The following CFAP43 variants were observed in gnomAD, a reference collection of about 807,000 sequenced individuals.
CFAP43 encodes cilia- and flagella-associated protein 43.
A neutral mutation model predicts 218.9 loss-of-function variants in CFAP43; 155 were observed. That is an observed-to-expected ratio of 0.71 (90% CI 0.62 to 0.81). The LOEUF is 0.81. CFAP43 is among the 30% of genes least tolerant of loss of function. The pLI, the probability that CFAP43 is intolerant of heterozygous loss-of-function variation, is 0.00. For missense variants in CFAP43, 1,778 were observed against 1,954.3 expected (o/e 0.91, Z 1.70); for synonymous variants, 645 against 681.3 (o/e 0.95, Z 0.83).
chr10:104,205,920 A>G, intron 7 of CFAP43, 43 bp downstream of exon 7: 1 of 1,537,584 alleles, frequency 6.5e-7, no homozygotes, highest in Non-Finnish European at 8.9e-7. Context: ...GGGAATTGTG[A>G]ATTTTCTTTA....
intron 11 of CFAP43, chr10:104,193,317 T>C (rs1429049390): frequency 6.6e-6 from 1 of 152,334 alleles, no homozygotes; most frequent in Non-Finnish European, 1.5e-5. Context: ...TTCTCCAAGA[T>C]ATACGATTAA....
chr10:104,218,211 G>A (rs1002160727), intron 3 of CFAP43, among the ~76,000 whole-genome samples: 15 of 151,736 alleles, frequency 9.9e-5, no homozygotes, highest in Admixed American at 9.2e-4. Context: ...AGCTGGGCGT[G>A]GTGGCGGGTG....
At chr10:104,206,710 G>C (rs1459826132) in intron 6 of CFAP43, among the ~76,000 whole-genome samples, 1 of 152,214 alleles carries the variant, frequency 6.6e-6, no homozygotes, top group Non-Finnish European at 1.5e-5. Flanking sequence ...CTTTGGACAG[G>C]TTTGAGGAGC....
chr10:104,184,387 G>A (rs1437278910), intron 16 of CFAP43, among the ~76,000 whole-genome samples: 1 of 151,988 alleles, frequency 6.6e-6, no homozygotes, highest in African/African-American at 2.4e-5. Flanking sequence ...AAAGTTATCT[G>A]AGGGTCAGAA....
intron 3 of CFAP43, 98 bp from the exon 4 acceptor site, chr10:104,214,524 T>G (rs2090961470): frequency 9.6e-7 from 1 of 1,038,814 alleles, no homozygotes; most frequent in East Asian, 2.7e-5. Flanking sequence ...TGGGATATAA[T>G]TTATGATACA....
chr10:104,223,198 A>T (rs1263931501), intron 3 of CFAP43, among the ~76,000 whole-genome samples: 1 of 152,192 alleles, frequency 6.6e-6, no homozygotes, highest in South Asian at 2.1e-4. Flanking sequence ...GACTGTGACC[A>T]TGTGGGAATA....
intron 23 of CFAP43, 115 bp downstream of exon 23, chr10:104,166,373 C>CCTCTATGTATTT: frequency 1.3e-6 from 1 of 770,764 alleles, no homozygotes; most frequent in East Asian, 2.7e-5. Context: ...TGCCCAGCCT[C>CCTCTATGTATTT]CTCTATGTAT....
At chr10:104,158,078 G>C (rs1411230079) in intron 27 of CFAP43, among the ~76,000 whole-genome samples, 1 of 152,118 alleles carries the variant, frequency 6.6e-6, no homozygotes, top group Non-Finnish European at 1.5e-5. Flanking sequence ...AACACATTAA[G>C]TTAGAGTATG....
intron 27 of CFAP43, among the ~76,000 whole-genome samples, chr10:104,158,728 CT>C (rs1484016598): frequency 6.6e-6 from 1 of 151,966 alleles, no homozygotes; most frequent in Non-Finnish European, 1.5e-5. Context: ...TATTAAGCTT[CT>C]TTTGTATGAT....
intron 4 of CFAP43, among the ~76,000 whole-genome samples, chr10:104,214,021 T>C (rs975526143): frequency 2.0e-5 from 3 of 152,198 alleles, no homozygotes; most frequent in African/African-American, 4.8e-5. Flanking sequence ...ATATTTTAAA[T>C]AAATTAATTG....
At chr10:104,214,162 T>C (rs928625865) in intron 4 of CFAP43, 97 bp downstream of exon 4, 1 of 1,209,224 alleles carries the variant, frequency 8.3e-7, no homozygotes, top group East Asian at 2.5e-5. Flanking sequence ...TATATATGTA[T>C]GTATAAAGCC....
At chr10:104,161,746 G>T (rs1389392279) in intron 26 of CFAP43, among the ~76,000 whole-genome samples, 1 of 151,952 alleles carries the variant, frequency 6.6e-6, no homozygotes, top group East Asian at 1.9e-4. Flanking sequence ...TGAATTCCTG[G>T]CCTCCTCACT....
chr10:104,168,708 C>T (rs76061064), intron 21 of CFAP43, 36 bp downstream of exon 21: 2 of 1,497,326 alleles, frequency 1.3e-6, no homozygotes, highest in African/African-American at 1.4e-5. Context: ...GATGACAATT[C>T]TCATCAGGTT....
chr10:104,196,960 T>A, intron 9 of CFAP43, 27 bp from the exon 10 acceptor site: 4 of 1,578,658 alleles, frequency 2.5e-6, no homozygotes, highest in Non-Finnish European at 3.5e-6. Flanking sequence ...ACAAAAACTC[T>A]ACATGGAAAA....
intron 5 of CFAP43, among the ~76,000 whole-genome samples, chr10:104,208,423 A>G (rs1281993882): frequency 6.6e-6 from 1 of 152,212 alleles, no homozygotes; most frequent in Non-Finnish European, 1.5e-5. Context: ...ATGTTAAACT[A>G]GTATTGTATG....
intron 27 of CFAP43, among the ~76,000 whole-genome samples, chr10:104,158,024 G>A (rs1027196903): frequency 2.6e-5 from 4 of 152,024 alleles, no homozygotes; most frequent in Admixed American, 6.6e-5. Flanking sequence ...AAGAAGCTCC[G>A]AACACTTTGA....
chr10:104,132,327 C>T, intron 35 of CFAP43, 131 bp from the exon 36 acceptor site: 1 of 733,386 alleles, frequency 1.4e-6, no homozygotes, highest in Non-Finnish European at 2.1e-6. Flanking sequence ...ATTGATTTGG[C>T]TTGGCCAGGC....
chr10:104,139,415 C>A (rs1460014816), intron 34 of CFAP43, among the ~76,000 whole-genome samples: 3 of 152,016 alleles, frequency 2.0e-5, no homozygotes, highest in African/African-American at 7.2e-5. Context: ...GTGCATACCG[C>A]CCCCTATCCC....
At position 104,193,989 on chromosome 10, in the gene CFAP43, G is replaced by A. The variant is rs2090311690; in HGVS notation, c.1319C>T (p.Ser440Phe). ...TLATVLACCP[S>F]SLSAAVGTED... ...CGTGCCCACGGCTGCAGAGAGGGAGGATGGACAGCAAGCCAGAACCGTTGC... is the reference window on the plus strand; with the variant it reads ...CGTGCCCACGGCTGCAGAGAGGGAGAATGGACAGCAAGCCAGAACCGTTGC... The change falls in exon 11 of 38, where the codon TCC (serine) becomes TTC (phenylalanine). Residue 440 changes from serine to phenylalanine, a missense_variant. Ser to Phe is a radical substitution (Grantham distance 155). This residue lies in a region of CFAP43 where 1,553 missense variants were observed against 1,685.2 expected (regional missense o/e 0.92). Transcript: ENST00000357060. 3.7e-6 allele frequency: 6 copies of A among 1,613,878 alleles called. No individual in the cohort carries two copies. Among genetic ancestry groups the A allele is most frequent in the African/African-American group, 1.3e-5 (1 of 75,026 alleles).
Sources: gnomAD v4.1 joint callset for allele counts (sites outside exome capture counted in the v4.1 genomes callset) on GRCh38, gnomAD v4.1.1 for gene constraint, gnomAD v4.1.1 regional missense constraint, MANE v1.5 for transcripts, NCBI Gene and HGNC (gene_info 2026-07-23, HGNC 2026-07-21) for gene names.